The following ZSWIM5 variants were observed in gnomAD, a reference collection of about 807,000 sequenced individuals.
The protein encoded by ZSWIM5 is zinc finger SWIM-type containing 5.
Under a neutral mutation model 119.6 loss-of-function variants are expected in ZSWIM5, and 55 were observed. The observed-to-expected ratio is 0.46, with a 90% CI of 0.37 to 0.58. The LOEUF (loss-of-function observed/expected upper bound fraction) is 0.58, where lower values mean the gene tolerates loss of function less well. Ranked by LOEUF, ZSWIM5 falls within the 20% of genes least tolerant of loss-of-function variation. The pLI is 0.00. For synonymous variants in ZSWIM5, 537 were observed against 606.9 expected, an observed-to-expected ratio of 0.88 and a Z score of 1.69; for missense variants, 1,193 against 1,512.8, an observed-to-expected ratio of 0.79 and a Z score of 3.51.
intron 1 of ZSWIM5, among the ~76,000 whole-genome samples, chr1:45,141,345 G>A (rs1043799855): frequency 2.6e-5 from 4 of 152,146 alleles, no homozygotes; most frequent in African/African-American, 9.7e-5. Flanking sequence ...TGAGAGAACA[G>A]AAAAGGGAAG....
intron 1 of ZSWIM5, among the ~76,000 whole-genome samples, chr1:45,120,244 T>C (rs1450273566): frequency 6.6e-6 from 1 of 152,164 alleles, no homozygotes; most frequent in South Asian, 2.1e-4. Flanking sequence ...CTCGAGAGGC[T>C]GAGGCAGGAG....
At chr1:45,050,186 C>A (rs1645081189) in intron 5 of ZSWIM5, among the ~76,000 whole-genome samples, 1 of 152,050 alleles carries the variant, frequency 6.6e-6, no homozygotes, top group African/African-American at 2.4e-5. Context: ...AAAACCCCAT[C>A]TCTACTAAAA....
chr1:45,156,963 A>G (rs1159953602), intron 1 of ZSWIM5, among the ~76,000 whole-genome samples: 2 of 152,158 alleles, frequency 1.3e-5, no homozygotes, highest in Admixed American at 1.3e-4. Context: ...CACACTTCCA[A>G]TGAACAATTC....
At chr1:45,080,200 GC>G in intron 2 of ZSWIM5, among the ~76,000 whole-genome samples, 1 of 152,304 alleles carries the variant, frequency 6.6e-6, no homozygotes, top group Non-Finnish European at 1.5e-5. Context: ...ATTAGGACTT[GC>G]CTAGGAGTTG....
chr1:45,146,881 C>T (rs893752184), intron 1 of ZSWIM5, among the ~76,000 whole-genome samples: 1 of 152,108 alleles, frequency 6.6e-6, no homozygotes, highest in African/African-American at 2.4e-5. Context: ...CACCACATGA[C>T]CATCCTTGGT....
At chr1:45,042,275 A>T (rs192793301) in intron 6 of ZSWIM5, among the ~76,000 whole-genome samples, 2 of 152,240 alleles carry the variant, frequency 1.3e-5, no homozygotes, top group Non-Finnish European at 2.9e-5. Context: ...AACCTCTCCC[A>T]CACCAGAAAC....
chr1:45,101,695 G>A (rs150375705), intron 1 of ZSWIM5, among the ~76,000 whole-genome samples: 3,151 of 152,182 alleles, frequency 0.021, 117 homozygotes, highest in African/African-American at 0.072. Flanking sequence ...TATACACCAC[G>A]GAATATTATG....
intron 1 of ZSWIM5, among the ~76,000 whole-genome samples, chr1:45,164,377 TAA>T (rs1457795697): frequency 3.3e-5 from 5 of 151,984 alleles, no homozygotes; most frequent in African/African-American, 1.2e-4. Flanking sequence ...TGACAAATTG[TAA>T]AAACCATTGA....
At chr1:45,195,378 T>C (rs1019303662) in intron 1 of ZSWIM5, among the ~76,000 whole-genome samples, 6 of 151,284 alleles carry the variant, frequency 4.0e-5, no homozygotes, top group South Asian at 2.1e-4. Flanking sequence ...GCTGGGACTC[T>C]AAGTGTGTGC....
intron 11 of ZSWIM5, among the ~76,000 whole-genome samples, chr1:45,027,265 C>T (rs1056752605): frequency 3.3e-5 from 5 of 151,970 alleles, no homozygotes; most frequent in African/African-American, 9.7e-5. Context: ...CTTAGATTTA[C>T]ATTGCTCTTC....
At chr1:45,159,816 T>C (rs1260678925) in intron 1 of ZSWIM5, among the ~76,000 whole-genome samples, 1 of 152,206 alleles carries the variant, frequency 6.6e-6, no homozygotes, top group Non-Finnish European at 1.5e-5. Context: ...CTCGAACTCC[T>C]GACCTCAAGT....
chr1:45,159,375 G>A (rs1486318997), intron 1 of ZSWIM5, among the ~76,000 whole-genome samples: 1 of 152,060 alleles, frequency 6.6e-6, no homozygotes, highest in African/African-American at 2.4e-5. Flanking sequence ...TTTGTAAAAT[G>A]AGGATAATAA....
intron 4 of ZSWIM5, among the ~76,000 whole-genome samples, chr1:45,051,974 A>T (rs1385657559): frequency 6.6e-6 from 1 of 150,568 alleles, no homozygotes; most frequent in Non-Finnish European, 1.5e-5. Context: ...ATAACTTGTG[A>T]TGCCTTAAAA....
chr1:45,035,629 A>T, intron 10 of ZSWIM5, 59 bp downstream of exon 10: 1 of 1,578,530 alleles, frequency 6.3e-7, no homozygotes, highest in South Asian at 1.1e-5. Flanking sequence ...AGCAATGAAA[A>T]AGAGCACTGG....
intron 1 of ZSWIM5, among the ~76,000 whole-genome samples, chr1:45,170,463 C>CA (rs1435294373): frequency 2.7e-5 from 4 of 149,038 alleles, no homozygotes; most frequent in Non-Finnish European, 4.4e-5. Context: ...CTTGCTCTGT[C>CA]ACCCCAGGTG....
intron 1 of ZSWIM5, among the ~76,000 whole-genome samples, chr1:45,091,964 G>A (rs1461482880): frequency 6.6e-6 from 1 of 151,926 alleles, no homozygotes; most frequent in Non-Finnish European, 1.5e-5. Flanking sequence ...CGCTGGTTGT[G>A]TATTTACAAA....
At chr1:45,135,428 TA>T (rs1034046219) in intron 1 of ZSWIM5, among the ~76,000 whole-genome samples, 5 of 152,192 alleles carry the variant, frequency 3.3e-5, no homozygotes, top group Non-Finnish European at 7.4e-5. Context: ...TGTTTTGTCT[TA>T]AAAAACAGAT....
chr1:45,044,810 T>TATATAAATATATATATATATAA (rs1645043025), intron 5 of ZSWIM5, among the ~76,000 whole-genome samples: 1 of 10,990 alleles, frequency 9.1e-5, no homozygotes, highest in Non-Finnish European at 1.6e-4. Context: ...TATAAATATA[T>TATATAAATATATATATATATAA]ATATATATAT....
intron 7 of ZSWIM5, among the ~76,000 whole-genome samples, chr1:45,039,921 G>T (rs376394326): frequency 9.2e-5 from 14 of 152,012 alleles, no homozygotes; most frequent in African/African-American, 3.1e-4. Flanking sequence ...GGTCAGGCTG[G>T]TCTCGAACTC....
Sources: gnomAD v4.1 joint callset for allele counts (sites outside exome capture counted in the v4.1 genomes callset) on GRCh38, gnomAD v4.1.1 for gene constraint, MANE v1.5 for transcripts, NCBI Gene and HGNC (gene_info 2026-07-23, HGNC 2026-07-21) for gene names.